The following C6orf136 variants were observed in gnomAD, a reference collection of about 807,000 sequenced individuals.
C6orf136 encodes the protein uncharacterized protein C6orf136.
In C6orf136, 29 loss-of-function variants were observed where a neutral mutation model predicts 44.0. The ratio of observed to expected loss-of-function variants is 0.66; its 90% CI spans 0.49 to 0.90. C6orf136 has a LOEUF of 0.90. Among genes scored for constraint, C6orf136 ranks in the 40% least tolerant of loss-of-function variants. The probability of loss-of-function intolerance (pLI) is 0.00; values close to 1 mark genes in which losing one functional copy is unlikely to be tolerated. For missense variants in C6orf136, 628 were observed against 669.3 expected (o/e 0.94, Z 0.68); for synonymous variants, 293 against 278.6 (o/e 1.05, Z -0.52).
chr6:30,647,384 G>A lies in C6orf136; in HGVS notation c.153G>A (p.Ala51=). The A allele has an allele frequency of 6.7e-7, 1 of 1,485,256 alleles. No homozygotes were observed. The highest frequency in any genetic ancestry group is 8.9e-7 in the Non-Finnish European group (1 of 1,119,166). 92.0% of individuals were successfully genotyped at this position (1,485,256 alleles called of 1,614,324 possible). ...AGCCGGTGCGTGGGGCGGAGCGCGCGCTGGGTTCCGCGCAGGCGCAGAGAC... is the reference window on the plus strand; with the variant it reads ...AGCCGGTGCGTGGGGCGGAGCGCGCACTGGGTTCCGCGCAGGCGCAGAGAC... ...SSKPVRGAER[A]LGSAQAQRHP... is the part of the protein sequence containing the mutation. Residue 51 remains alanine (A), a synonymous_variant, in exon 1 of 6, where the codon GCG becomes GCA. Coordinates refer to ENST00000651131, the MANE Select transcript of C6orf136 (RefSeq NM_001161376.2). The surrounding 1 kb of genome is among the most constrained non-coding windows in gnomAD (Gnocchi z 4.8).
Position 30,652,370 on chromosome 6 carries a change from A to G in C6orf136, c.1308-278A>G, listed in dbSNP as rs1272041497. On this transcript the variant is annotated intron_variant, in intron 4 of 5. Transcript: ENST00000651131. ...CCGCCTGGGAGTAGAATCCCAATAA[A>G]TTGTTAGACTCAGCCACAAACATTG... 2.6e-5 allele frequency among the ~76,000 whole-genome samples: 4 copies of G among 152,100 alleles called. No individual in the cohort carries two copies. In the East Asian group the frequency reaches 7.7e-4, roughly 29 times the overall value.
At position 30,647,454 on chromosome 6, in the gene C6orf136, C is replaced by G; in HGVS notation, c.223C>G (p.Leu75Val). 2 of 1,483,730 alleles carry G rather than the reference C, an allele frequency of 1.3e-6. No individual in the cohort carries two copies. Among genetic ancestry groups the G allele is most frequent in the Non-Finnish European group, 1.8e-6 (2 of 1,111,542 alleles). The allele number at this position is 1,483,730 out of a possible 1,614,324, so 91.9% of individuals were successfully genotyped here. A position where few individuals can be genotyped will look rare whatever the true frequency, so the allele number is the denominator to read the frequency against. Residue 75 changes from leucine to valine, a missense_variant, in exon 1 of 6, where the codon CTA (leucine) becomes GTA (valine). This residue lies in a region of C6orf136 where 497 missense variants were observed against 469.2 expected (regional missense o/e 1.06). Transcript: ENST00000651131. This position sits in a 1 kb window ranked among gnomAD's most constrained non-coding sequence, Gnocchi z 4.8. The part of the protein sequence containing the change: ...PTCALQRVDR[L>V]GVAGAGGRRC... The stretch of plus-strand genomic sequence containing the variant: ...CTGTGCCCTGCAGCGCGTGGACAGG[C>G]TAGGGGTCGCGGGAGCGGGAGGGAG...
In C6orf136 at chr6:30,647,380, G is replaced by C; in HGVS notation, c.149G>C (p.Arg50Pro). Residue 50 changes from arginine (R) to proline (P), a missense_variant, in exon 1 of 6, where the codon CGC (arginine) becomes CCC (proline). Transcript: ENST00000651131. The surrounding 1 kb of genome is among the most constrained non-coding windows in gnomAD (Gnocchi z 4.8). ...PSSKPVRGAE[R>P]ALGSAQAQRH... ...TCAAAGCCGGTGCGTGGGGCGGAGC[G>C]CGCGCTGGGTTCCGCGCAGGCGCAG... 1.3e-6 allele frequency: 2 copies of C among 1,493,414 alleles called. No homozygotes were observed. Among genetic ancestry groups the C allele is most frequent in the Non-Finnish European group, 1.8e-6 (2 of 1,123,408 alleles). The allele number at this position is 1,493,414 out of a possible 1,614,324, so 92.5% of individuals were successfully genotyped here.
chr6:30,651,877 T>A (rs1231548948), intron 4 of C6orf136, among the ~76,000 whole-genome samples: 1 of 151,412 alleles, frequency 6.6e-6, no homozygotes, highest in African/African-American at 2.4e-5. Flanking sequence ...AAAAAAAAAA[T>A]AGAGACTGGG....
At chr6:30,651,106 G>A (rs753768068) in intron 3 of C6orf136, 24 bp downstream of exon 3, 6 of 1,602,980 alleles carry the variant, frequency 3.7e-6, no homozygotes, top group Admixed American at 1.7e-5. Context: ...CACAGGTAGG[G>A]CACTGGGGAG....
chr6:30,647,366 G>C lies in C6orf136; in HGVS notation c.135G>C (p.Val45=), dbSNP rs1261158352. The C allele has an allele frequency of 1.3e-6, 2 of 1,514,898 alleles. No individual in the cohort carries two copies. The highest frequency in any genetic ancestry group is 1.8e-6 in the Non-Finnish European group (2 of 1,134,516). 93.8% of individuals were successfully genotyped at this position (1,514,898 alleles called of 1,614,324 possible). ...GGGERPSSKP[V]RGAERALGSA... is the part of the protein sequence containing the mutation. The stretch of plus-strand genomic sequence containing the variant: ...GGGAGAGACCCTCCTCAAAGCCGGT[G>C]CGTGGGGCGGAGCGCGCGCTGGGTT... Residue 45 remains valine (V), a synonymous_variant, in exon 1 of 6, where the codon GTG becomes GTC. Transcript: ENST00000651131. This position sits in a 1 kb window ranked among gnomAD's most constrained non-coding sequence, Gnocchi z 4.8.
rs1767234537 is a variant in C6orf136 at position 30,649,775 on chromosome 6, C to T, written c.833C>T (p.Pro278Leu). Residue 278 changes from proline to leucine, a missense_variant, in exon 2 of 6, where the codon CCT becomes CTT. Pro to Leu is a moderately conservative substitution (Grantham distance 98). Transcript: ENST00000651131. Reference protein sequence around the residue: ...PPGKGEEGPGPELHSGCLDGL... With the variant: ...PPGKGEEGPGLELHSGCLDGL... ...GGAAAGGGGGAGGAGGGACCAGGACCTGAGTTGCATAGCGGCTGCCTGGAT... is the reference window on the plus strand; with the variant it reads ...GGAAAGGGGGAGGAGGGACCAGGACTTGAGTTGCATAGCGGCTGCCTGGAT... The T allele has an allele frequency of 1.2e-6, 2 of 1,614,076 alleles. No homozygotes were observed. The highest frequency in any genetic ancestry group is 8.5e-7 in the Non-Finnish European group (1 of 1,179,994).
At position 30,647,752 on chromosome 6, in the gene C6orf136, C is replaced by T. The variant is rs1430102992; in HGVS notation, c.521C>T (p.Pro174Leu). The T allele has an allele frequency of 3.2e-6, 5 of 1,548,624 alleles. No individual in the cohort carries two copies. The Admixed American group carries it at 7.9e-5, about 24-fold the overall frequency. The part of the protein sequence containing the change: ...LGERSWQEGR[P>L]VCTRFGPLRP... The stretch of plus-strand genomic sequence containing the variant: ...GAGCGGTCCTGGCAGGAAGGCCGGC[C>T]AGTGTGCACCCGGTTCGGGCCCCTG... The change falls in exon 1 of 6, where the codon CCA becomes CTA. Residue 174 changes from proline to leucine, a missense_variant. By Grantham distance (98) the Pro-to-Leu change is moderately conservative. Transcript: ENST00000651131. This position sits in a 1 kb window ranked among gnomAD's most constrained non-coding sequence, Gnocchi z 4.8.
rs1450225024 is a variant in C6orf136, at chr6:30,649,773, A to C, written c.831A>C (p.Gly277=). The C allele has an allele frequency of 6.2e-7, 1 of 1,613,942 alleles. No homozygotes were observed. The highest frequency in any genetic ancestry group is 2.2e-5 in the East Asian group (1 of 44,844). Residue 277 remains glycine, a synonymous_variant, in exon 2 of 6, where the codon GGA becomes GGC. Transcript: ENST00000651131. ...CAGGAAAGGGGGAGGAGGGACCAGGACCTGAGTTGCATAGCGGCTGCCTGG... is the reference window on the plus strand; with the variant it reads ...CAGGAAAGGGGGAGGAGGGACCAGGCCCTGAGTTGCATAGCGGCTGCCTGG... ...LPPGKGEEGP[G]PELHSGCLDG... is the part of the protein sequence containing the mutation.
In C6orf136 at chr6:30,647,257, C is replaced by T. The variant is rs1214299905; in HGVS notation, c.26C>T (p.Ala9Val). Reference protein sequence around the residue: MYQPSRGAARRLGPCLRAY... With the variant: MYQPSRGAVRRLGPCLRAY... ...ATGTACCAGCCCAGCCGGGGTGCGG[C>T]CCGGCGTCTCGGCCCTTGCCTGCGC... Residue 9 changes from alanine (A) to valine (V), a missense_variant, in exon 1 of 6, where the codon GCC becomes GTC. This residue lies in a region of C6orf136 where 497 missense variants were observed against 469.2 expected (regional missense o/e 1.06). Transcript: ENST00000651131. The surrounding 1 kb of genome is among the most constrained non-coding windows in gnomAD (Gnocchi z 4.8). 2.7e-5 allele frequency: 43 copies of T among 1,597,650 alleles called. No individual in the cohort carries two copies. The highest frequency in any genetic ancestry group is 3.6e-5 in the Non-Finnish European group (42 of 1,174,704).
At chr6:30,650,335 G>C (rs1396052975) in intron 2 of C6orf136, among the ~76,000 whole-genome samples, 1 of 148,180 alleles carries the variant, frequency 6.7e-6, no homozygotes, top group Non-Finnish European at 1.5e-5. Flanking sequence ...CGCAGTGAAA[G>C]GAGATATCTC....
In C6orf136 at chr6:30,647,326, G is replaced by A. The variant is rs1414232672; in HGVS notation, c.95G>A (p.Gly32Glu). ...RPQVSGGEEG[G>E]RRGGGERPSS... Reference sequence around the variant, plus strand: ...CAGGTGAGCGGAGGAGAAGAGGGAGGGAGGAGAGGGGGCGGGGAGAGACCC... The same window carrying A: ...CAGGTGAGCGGAGGAGAAGAGGGAGAGAGGAGAGGGGGCGGGGAGAGACCC... The change falls in exon 1 of 6, where the codon GGG becomes GAG. Residue 32 changes from glycine to glutamate, a missense_variant. Physicochemically the swap from Gly to Glu is moderately conservative, Grantham distance 98. This residue lies in a region of C6orf136 where 497 missense variants were observed against 469.2 expected (regional missense o/e 1.06). Transcript: ENST00000651131. This position sits in a 1 kb window ranked among gnomAD's most constrained non-coding sequence, Gnocchi z 4.8. 3 of 1,583,136 alleles carry A rather than the reference G, an allele frequency of 1.9e-6. No homozygotes were observed. Among genetic ancestry groups the A allele is most frequent in the Non-Finnish European group, 2.6e-6 (3 of 1,167,596 alleles).
rs1232057172 is a variant in C6orf136 at position 30,652,795 on chromosome 6, C to T, written c.1378-7C>T. The T allele has an allele frequency of 1.2e-6, 2 of 1,612,828 alleles. No individual in the cohort carries two copies. The highest frequency in any genetic ancestry group is 1.7e-6 in the Non-Finnish European group (2 of 1,179,830). ...CCCCCAACTGGCATTAACCTTTCTCCCTGCAGCTGATGCCTTCACACTCAC... is the reference window on the plus strand; with the variant it reads ...CCCCCAACTGGCATTAACCTTTCTCTCTGCAGCTGATGCCTTCACACTCAC... On this transcript the variant is annotated splice_region_variant and splice_polypyrimidine_tract_variant and intron_variant, in intron 5 of 5. Transcript: ENST00000651131.
intron 2 of C6orf136, 59 bp downstream of exon 2, chr6:30,650,018 A>G (rs1767260825): frequency 6.9e-7 from 1 of 1,444,806 alleles, no homozygotes; most frequent in African/African-American, 1.4e-5. Flanking sequence ...TAATCCTTGG[A>G]CGTACAGGGA....
intron 1 of C6orf136, among the ~76,000 whole-genome samples, chr6:30,648,246 T>G (rs1315704886): frequency 6.6e-6 from 1 of 152,194 alleles, no homozygotes; most frequent in Non-Finnish European, 1.5e-5. Context: ...TTCTTTTTTC[T>G]CTGTACATTT....
At chr6:30,648,017 G>A (rs912115217) in intron 1 of C6orf136, among the ~76,000 whole-genome samples, 171 bp downstream of exon 1, 2 of 152,236 alleles carry the variant, frequency 1.3e-5, no homozygotes, top group African/African-American at 4.8e-5. Flanking sequence ...CTGAGGTTGT[G>A]TCTGTCATTA....
intron 1 of C6orf136, among the ~76,000 whole-genome samples, chr6:30,648,702 AT>A (rs1767119508): frequency 7.5e-6 from 1 of 133,790 alleles, no homozygotes; most frequent in Non-Finnish European, 1.6e-5. Context: ...GCCCGGCCAC[AT>A]TTCTTTAAGA....
intron 1 of C6orf136, among the ~76,000 whole-genome samples, chr6:30,648,359 C>G (rs1291628959): frequency 1.3e-5 from 2 of 150,550 alleles, no homozygotes; most frequent in African/African-American, 4.9e-5. Flanking sequence ...TTACATGATT[C>G]TTGCGATAAG....
chr6:30,651,380 C>T lies in C6orf136; in HGVS notation c.1221C>T (p.Thr407=). The T allele has an allele frequency of 6.2e-7, 1 of 1,613,810 alleles. No homozygotes were observed. Residue 407 remains threonine, a synonymous_variant, in exon 4 of 6, where the codon ACC becomes ACT. Transcript: ENST00000651131. The stretch of plus-strand genomic sequence containing the variant: ...TGACCCGCCACCCTGAGAACTGGAC[C>T]CTGCAAGCCCGGTGGCGGCTTGTGG... ...LQLTRHPENW[T]LQARWRLVGL...
Sources: allele counts gnomAD v4.1 joint callset (sites outside exome capture counted in the v4.1 genomes callset), GRCh38; gene constraint gnomAD v4.1.1; regional missense constraint gnomAD v4.1.1; non-coding constraint Gnocchi (gnomAD v3.1); transcripts MANE v1.5; gene names NCBI Gene and HGNC (gene_info 2026-07-23, HGNC 2026-07-21).